The following DGKG variants were observed in gnomAD, a reference collection of about 807,000 sequenced individuals.
DGKG encodes DAG kinase gamma.
In DGKG, 78 loss-of-function variants were observed where a neutral mutation model predicts 105.3. The ratio of observed to expected loss-of-function variants is 0.74; its 90% CI spans 0.62 to 0.89. The LOEUF (loss-of-function observed/expected upper bound fraction) is 0.89. DGKG is among the 40% of genes least tolerant of loss of function. DGKG has a pLI of 0.00. For missense variants in DGKG, 958 were observed against 1,020.1 expected, an observed-to-expected ratio of 0.94 and a Z score of 0.83; for synonymous variants, 346 against 367.1, an observed-to-expected ratio of 0.94 and a Z score of 0.66.
intron 11 of DGKG, among the ~76,000 whole-genome samples, chr3:186,271,099 G>A (rs933274697): frequency 6.6e-6 from 1 of 152,172 alleles, no homozygotes; most frequent in Non-Finnish European, 1.5e-5. Context: ...TTCTGCAGGA[G>A]GGCTGGGTAC....
At chr3:186,182,768 C>G (rs944632730) in intron 22 of DGKG, among the ~76,000 whole-genome samples, 7 of 152,098 alleles carry the variant, frequency 4.6e-5, no homozygotes, top group Admixed American at 3.3e-4. Flanking sequence ...CTACTGCCCA[C>G]TGGCAAACTG....
intron 22 of DGKG, among the ~76,000 whole-genome samples, chr3:186,185,547 G>A (rs1158523805): frequency 6.6e-6 from 1 of 152,136 alleles, no homozygotes; most frequent in Non-Finnish European, 1.5e-5. Context: ...GAGAGTCGAA[G>A]TGGGGAGCAG....
intron 14 of DGKG, among the ~76,000 whole-genome samples, chr3:186,264,340 T>C (rs1721937529): frequency 6.6e-6 from 1 of 152,184 alleles, no homozygotes; most frequent in South Asian, 2.1e-4. Flanking sequence ...CTCGGCTCAC[T>C]GCAACCTCCA....
At chr3:186,182,976 C>T (rs1437534667) in intron 22 of DGKG, among the ~76,000 whole-genome samples, 1 of 152,192 alleles carries the variant, frequency 6.6e-6, no homozygotes, top group Non-Finnish European at 1.5e-5. Flanking sequence ...GATCAGTGTA[C>T]TGATGAGATA....
chr3:186,249,241 GACATAGGA>G (rs1399023013), intron 19 of DGKG, among the ~76,000 whole-genome samples: 14 of 152,078 alleles, frequency 9.2e-5, no homozygotes, highest in Admixed American at 5.9e-4. Context: ...ATCAGATTGG[GACATAGGA>G]ACCCCTAAAC....
chr3:186,272,953 T>C (rs1045652242), intron 10 of DGKG, among the ~76,000 whole-genome samples: 1 of 152,164 alleles, frequency 6.6e-6, no homozygotes, highest in Non-Finnish European at 1.5e-5. Context: ...GGTCTCGAAC[T>C]CCTGACCTCA....
chr3:186,255,849 G>C (rs1468033775), intron 17 of DGKG, among the ~76,000 whole-genome samples: 3 of 152,208 alleles, frequency 2.0e-5, no homozygotes, highest in Non-Finnish European at 2.9e-5. Flanking sequence ...GTGCTGAAAT[G>C]AGAGTGAACG....
chr3:186,283,927 C>T (rs1255828888), intron 7 of DGKG, among the ~76,000 whole-genome samples: 1 of 152,192 alleles, frequency 6.6e-6, no homozygotes, highest in African/African-American at 2.4e-5. Context: ...AACCTCAGGG[C>T]CTTCCTGTTA....
Position 186,188,241 on chromosome 3 carries a change from C to T in DGKG, c.2056G>A (p.Gly686Ser). The change falls in exon 22 of 25, where the codon GGT becomes AGT. Residue 686 changes from glycine to serine, a missense_variant. By Grantham distance (56) the Gly-to-Ser change is moderately conservative. Coordinates refer to ENST00000265022, the MANE Select transcript of DGKG (RefSeq NM_001346.3). ...NRAVIRESRKGVTDPKELKFC... is the reference protein window; with the variant it reads ...NRAVIRESRKSVTDPKELKFC... ...TTCAGTTCTTTGGGGTCAGTGACACCCTTCCTGCTTTCCCGGATCACAGCC... is the reference window on the plus strand; with the variant it reads ...TTCAGTTCTTTGGGGTCAGTGACACTCTTCCTGCTTTCCCGGATCACAGCC... 1.2e-6 allele frequency: 2 copies of T among 1,614,146 alleles called. No individual in the cohort carries two copies. The highest frequency in any genetic ancestry group is 1.7e-6 in the Non-Finnish European group (2 of 1,180,038).
In DGKG at chr3:186,297,401, C is replaced by A; in HGVS notation, c.373+20G>T. On this transcript the variant is annotated intron_variant, in intron 5 of 24. Coordinates refer to ENST00000265022, the MANE Select transcript of DGKG (RefSeq NM_001346.3). The stretch of plus-strand genomic sequence containing the variant: ...GGTATTCCCTACTTTTCCCACAAGT[C>A]TTATATTCCAAAGACTTACCAGTAT... 1 of 1,598,538 alleles carries A rather than the reference C, an allele frequency of 6.3e-7. No individual in the cohort carries two copies. The highest frequency in any genetic ancestry group is 1.1e-5 in the South Asian group (1 of 90,744).
chr3:186,242,693 G>A, intron 19 of DGKG, 125 bp from the exon 20 acceptor site: 1 of 737,436 alleles, frequency 1.4e-6, no homozygotes, highest in Non-Finnish European at 2.2e-6. Flanking sequence ...ATCGCATGGT[G>A]GGGCTCCAGG....
chr3:186,149,717 C>T lies in DGKG; in HGVS notation c.*373G>A, dbSNP rs1234298846. The T allele has an allele frequency of 1.1e-5, 11 of 1,017,424 alleles. No homozygotes were observed. Among genetic ancestry groups the T allele is most frequent in the African/African-American group, 1.7e-5 (1 of 57,978 alleles). The allele number at this position is 1,017,424 out of a possible 1,614,324, so 63.0% of individuals were successfully genotyped here. On this transcript the variant is annotated 3_prime_UTR_variant, in exon 25 of 25. Transcript: ENST00000265022. ...GGCAGGAAACCTGCAGCCTGCTCCT[C>T]GCGAGCGTCCATGAGGAAACTTGCA...
intron 2 of DGKG, among the ~76,000 whole-genome samples, chr3:186,312,755 G>A (rs1724615874): frequency 1.3e-5 from 2 of 152,244 alleles, no homozygotes; most frequent in East Asian, 1.9e-4. Context: ...AGAGTTTTGT[G>A]AGGGTCCTGA....
intron 21 of DGKG, among the ~76,000 whole-genome samples, chr3:186,194,004 G>A (rs1001721723): frequency 6.6e-6 from 1 of 152,218 alleles, no homozygotes; most frequent in Non-Finnish European, 1.5e-5. Context: ...GTGCTCCTGG[G>A]TGCGCCGGCG....
At chr3:186,342,368 C>T (rs1293992907) in intron 1 of DGKG, among the ~76,000 whole-genome samples, 1 of 152,116 alleles carries the variant, frequency 6.6e-6, no homozygotes, top group Non-Finnish European at 1.5e-5. Context: ...AGGGTGGATT[C>T]TTAGCCACTG....
chr3:186,156,335 G>T (rs1029197397), intron 24 of DGKG, among the ~76,000 whole-genome samples: 4 of 151,924 alleles, frequency 2.6e-5, no homozygotes, highest in African/African-American at 4.8e-5. Flanking sequence ...TTTCTGAAAC[G>T]CAATTTCTTG....
intron 20 of DGKG, among the ~76,000 whole-genome samples, chr3:186,239,180 G>T (rs1053348030): frequency 1.3e-5 from 2 of 152,160 alleles, no homozygotes; most frequent in Non-Finnish European, 2.9e-5. Flanking sequence ...TTCCGGACCT[G>T]ACTAGTCACT....
chr3:186,354,739 G>T (rs1204726116), intron 1 of DGKG, among the ~76,000 whole-genome samples: 1 of 152,202 alleles, frequency 6.6e-6, no homozygotes, highest in Non-Finnish European at 1.5e-5. Flanking sequence ...AGGAGAAATA[G>T]ATATTTTTGC....
chr3:186,161,067 AAGTAGG>A, intron 24 of DGKG: 1 of 986,672 alleles, frequency 1.0e-6, no homozygotes, highest in Non-Finnish European at 1.2e-6. Context: ...TGGAATTTTC[AAGTAGG>A]TTATCAGGGC....
Sources: allele counts gnomAD v4.1 joint callset (sites outside exome capture counted in the v4.1 genomes callset), GRCh38; gene constraint gnomAD v4.1.1; transcripts MANE v1.5; gene names NCBI Gene and HGNC (gene_info 2026-07-23, HGNC 2026-07-21).